Variants in CELF2 observed in about 807,000 individuals in gnomAD.
The protein encoded by CELF2 is CUG triplet repeat RNA-binding protein 2.
In CELF2, 8 loss-of-function variants were observed where a neutral mutation model predicts 62.6. That is an observed-to-expected ratio of 0.13 (90% CI 0.07 to 0.23). CELF2 has a LOEUF of 0.23. CELF2 is among the 10% of genes least tolerant of loss of function. The pLI, the probability that CELF2 is intolerant of heterozygous loss-of-function variation, is 1.00. For missense variants in CELF2, 333 were observed against 671.0 expected (o/e 0.50, Z 5.56); for synonymous variants, 258 against 250.0 (o/e 1.03, Z -0.30).
intron 2 of CELF2, among the ~76,000 whole-genome samples, chr10:11,189,685 T>G (rs1385577453): frequency 2.0e-5 from 3 of 152,240 alleles, no homozygotes; most frequent in Non-Finnish European, 2.9e-5. Flanking sequence ...ATGAGCTGTT[T>G]TCAGGCAAGA....
chr10:10,541,457 G>T, the CELF2 span, among the ~76,000 whole-genome samples: 19 of 152,166 alleles, frequency 1.2e-4, no homozygotes, highest in African/African-American at 4.6e-4. Context: ...CATAGGTAGA[G>T]CAGCCCCAAG....
At chr10:10,646,220 G>A in the CELF2 span, among the ~76,000 whole-genome samples, 1 of 152,190 alleles carries the variant, frequency 6.6e-6, no homozygotes, top group East Asian at 1.9e-4. Context: ...CTGGAATGGG[G>A]ACAGAAAGGA....
the CELF2 span, among the ~76,000 whole-genome samples, chr10:10,494,710 AT>A: frequency 6.6e-6 from 1 of 152,154 alleles, no homozygotes; most frequent in Non-Finnish European, 1.5e-5. Context: ...TGTGTTCATC[AT>A]TGTACCTGAT....
In CELF2 at chr10:11,329,062, C is replaced by G; in HGVS notation, c.*9C>G. ...ACAGCAAACCTTACTGATCCTAACCCCAGAGGCTCCCTGCTCTCATTTTAG... is the reference window on the plus strand; with the variant it reads ...ACAGCAAACCTTACTGATCCTAACCGCAGAGGCTCCCTGCTCTCATTTTAG... On this transcript the variant is annotated 3_prime_UTR_variant, in exon 13 of 13. Transcript: ENST00000633077. The surrounding 1 kb of genome is among the most constrained non-coding windows in gnomAD (Gnocchi z 5.5). 1.2e-6 allele frequency: 2 copies of G among 1,606,910 alleles called. No individual in the cohort carries two copies. Among genetic ancestry groups the G allele is most frequent in the Non-Finnish European group, 1.7e-6 (2 of 1,174,728 alleles).
intron 2 of CELF2, among the ~76,000 whole-genome samples, chr10:10,967,894 C>T (rs1338924741): frequency 1.3e-5 from 2 of 151,578 alleles, no homozygotes; most frequent in Admixed American, 6.6e-5. Flanking sequence ...AATGGGGATG[C>T]TGTAATATGA....
the CELF2 span, among the ~76,000 whole-genome samples, chr10:10,690,993 T>G: frequency 2.0e-5 from 3 of 147,294 alleles, no homozygotes; most frequent in African/African-American, 7.5e-5. Flanking sequence ...GCCATATTCC[T>G]AGGATTATGG....
intron 11 of CELF2, among the ~76,000 whole-genome samples, chr10:11,322,611 G>A (rs1303136297): frequency 6.7e-6 from 1 of 150,252 alleles, no homozygotes; most frequent in Non-Finnish European, 1.5e-5. Flanking sequence ...TGGGTTTTAA[G>A]AGAACACAGC....
intron 5 of CELF2, 84 bp downstream of exon 5, chr10:11,257,956 C>A: frequency 6.6e-7 from 1 of 1,522,204 alleles, no homozygotes; most frequent in African/African-American, 1.4e-5. Flanking sequence ...AGGCACCGCA[C>A]ACGGCAAGAG....
the CELF2 span, among the ~76,000 whole-genome samples, chr10:10,517,037 C>T: frequency 6.6e-6 from 1 of 152,194 alleles, no homozygotes; most frequent in Admixed American, 6.5e-5. Context: ...ACTAGAAGAG[C>T]TGTGTGGAAA....
At chr10:10,657,766 T>C in the CELF2 span, among the ~76,000 whole-genome samples, 1 of 152,196 alleles carries the variant, frequency 6.6e-6, no homozygotes. Context: ...ATTGTATTCA[T>C]GATATTTTGT....
chr10:11,304,794 T>C (rs1390480870), intron 9 of CELF2, among the ~76,000 whole-genome samples: 1 of 152,184 alleles, frequency 6.6e-6, no homozygotes, highest in Non-Finnish European at 1.5e-5. Context: ...ATTGAAACCA[T>C]AGCACATTCC....
chr10:11,091,383 G>C (rs946653768), intron 1 of CELF2, among the ~76,000 whole-genome samples: 2 of 152,218 alleles, frequency 1.3e-5, no homozygotes, highest in African/African-American at 2.4e-5. Flanking sequence ...CTCTTTTACA[G>C]AAGTTAATCA....
chr10:10,523,769 T>C, the CELF2 span, among the ~76,000 whole-genome samples: 3 of 152,172 alleles, frequency 2.0e-5, no homozygotes, highest in African/African-American at 7.2e-5. Context: ...CATGATCAAG[T>C]GCAATGTCAG....
At chr10:10,691,181 A>G in the CELF2 span, among the ~76,000 whole-genome samples, 1 of 143,050 alleles carries the variant, frequency 7.0e-6, no homozygotes, top group East Asian at 2.1e-4. Context: ...AACAGTCCCC[A>G]GAGTGTGATG....
chr10:11,274,442 C>A (rs969344979), intron 7 of CELF2, among the ~76,000 whole-genome samples: 1 of 152,196 alleles, frequency 6.6e-6, no homozygotes, highest in Non-Finnish European at 1.5e-5. Flanking sequence ...ACATTTACAA[C>A]GCGTGACTTC....
At chr10:10,695,098 G>C in the CELF2 span, among the ~76,000 whole-genome samples, 1 of 149,498 alleles carries the variant, frequency 6.7e-6, no homozygotes, top group Admixed American at 6.6e-5. Context: ...TTTCTTCCTA[G>C]TCTCGATGGT....
intron 2 of CELF2, among the ~76,000 whole-genome samples, chr10:11,172,438 AT>A (rs1310804897): frequency 6.6e-6 from 1 of 152,220 alleles, no homozygotes; most frequent in African/African-American, 2.4e-5. Flanking sequence ...ATTTTAAAAT[AT>A]TTTTACTGAT....
chr10:10,981,054 G>A (rs896214183), intron 2 of CELF2, among the ~76,000 whole-genome samples: 1 of 152,192 alleles, frequency 6.6e-6, no homozygotes, highest in African/African-American at 2.4e-5. Flanking sequence ...TGCATTAGGG[G>A]CTCCAGAGAG....
In CELF2 at chr10:10,990,589, G is replaced by A. The variant is rs574615693; in HGVS notation, c.89+70590G>A. 7.9e-4 allele frequency among the ~76,000 whole-genome samples: 120 copies of A among 152,234 alleles called. 2 individuals are homozygous for A. Among genetic ancestry groups the A allele is most frequent in the Non-Finnish European group, 1.5e-3 (101 of 68,018 alleles). On this transcript the variant is annotated intron_variant, in intron 2 of 13. Transcript: ENST00000636488. The surrounding 1 kb of genome is among the most constrained non-coding windows in gnomAD (Gnocchi z 4.6). ...AGAGTCTTTCAATGGTAAAGTTTTA[G>A]TAGTATAATAGTATAATATACGCTC...
Sources: gnomAD v4.1 joint callset for allele counts (sites outside exome capture counted in the v4.1 genomes callset) on GRCh38, gnomAD v4.1.1 for gene constraint, Gnocchi (gnomAD v3.1) non-coding constraint, MANE v1.5 for transcripts, NCBI Gene and HGNC (gene_info 2026-07-23, HGNC 2026-07-21) for gene names.